CHD2: variants seen among roughly 807,000 people sequenced by gnomAD.
The protein encoded by CHD2 is chromodomain helicase DNA binding protein 2, also known as ATP-dependent chromatin remodeler CHD2.
In CHD2, 28 loss-of-function variants were observed where a neutral mutation model predicts 243.9. The ratio of observed to expected loss-of-function variants is 0.11; its 90% CI spans 0.09 to 0.16. The LOEUF is 0.16. Ranked by LOEUF, CHD2 falls within the 10% of genes least tolerant of loss-of-function variation. The probability of loss-of-function intolerance (pLI) is 1.00; values close to 1 mark genes in which losing one functional copy is unlikely to be tolerated. For missense variants in CHD2, 1,386 were observed against 2,209.8 expected (o/e 0.63, Z 7.47); for synonymous variants, 775 against 779.0 (o/e 0.99, Z 0.09).
intron 19 of CHD2, among the ~76,000 whole-genome samples, chr15:92,972,820 C>T (rs1215366561): frequency 2.1e-4 from 2 of 9,552 alleles, no homozygotes; most frequent in African/African-American, 2.9e-4. Flanking sequence ...CACTGCACTC[C>T]AGCCTGGGCG....
chr15:93,012,779 T>C (rs1451398172), intron 36 of CHD2, among the ~76,000 whole-genome samples: 2 of 152,218 alleles, frequency 1.3e-5, no homozygotes, highest in African/African-American at 4.8e-5. Flanking sequence ...GAAAATACTT[T>C]TTCTCTTCTT....
rs775227667 is a variant in CHD2 at position 92,942,918 on chromosome 15, A to G, written c.902A>G (p.Asp301Gly). ...DPSGDFDTEK[D>G]EGEIQYLIKW... ...AGTGGTGACTTTGACACTGAAAAGG[A>G]TGAAGGTGAAATCCAGTACCTCATC... is the stretch of plus-strand genomic sequence containing the variant. Residue 301 changes from aspartate to glycine, a missense_variant, in exon 9 of 39, where the codon GAT becomes GGT. By Grantham distance (94) the Asp-to-Gly change is moderately conservative (BLOSUM62 -1). Transcript: ENST00000394196. The G allele has an allele frequency of 6.2e-7, 1 of 1,614,118 alleles. No homozygotes were observed. Among genetic ancestry groups the G allele is most frequent in the South Asian group, 1.1e-5 (1 of 91,080 alleles).
At chr15:92,971,177 T>C (rs1053299521) in intron 17 of CHD2, among the ~76,000 whole-genome samples, 1 of 152,210 alleles carries the variant, frequency 6.6e-6, no homozygotes, top group African/African-American at 2.4e-5. Context: ...AGGTTGAGTC[T>C]CTTATCAAAA....
intron 16 of CHD2, among the ~76,000 whole-genome samples, chr15:92,966,763 T>C (rs2053769258): frequency 6.6e-6 from 1 of 151,876 alleles, no homozygotes; most frequent in South Asian, 2.1e-4. Flanking sequence ...ATACAAAAAT[T>C]AGTTGGGTGT....
Position 92,900,645 on chromosome 15 carries a change from C to G in CHD2, c.-251C>G. The G allele has an allele frequency of 5.0e-6, 2 of 396,622 alleles. No homozygotes were observed. The highest frequency in any genetic ancestry group is 4.4e-5 in the Admixed American group (1 of 22,656). The allele number at this position is 396,622 out of a possible 1,614,324, so 24.6% of individuals were successfully genotyped here. A position where few individuals can be genotyped will look rare whatever the true frequency, so the allele number is the denominator to read the frequency against. ...TCTCCTAATGAGGTTTTTTTTCTTT[C>G]GGACCTGTTTTAGTATTAATTATTG... On this transcript the variant is annotated 5_prime_UTR_variant, in exon 1 of 39. Transcript: ENST00000394196.
chr15:93,004,701 C>G lies in CHD2; in HGVS notation c.4363C>G (p.Pro1455Ala), dbSNP rs1184559933. 4 of 1,613,326 alleles carry G rather than the reference C, an allele frequency of 2.5e-6. No individual in the cohort carries two copies. The African/African-American group carries it at 5.3e-5, about 22-fold the overall frequency. ...TATTACAGCAGGAAGTGAACCTGTCCCCATTGGAGAGGATGAGGATGATGA... is the reference window on the plus strand; with the variant it reads ...TATTACAGCAGGAAGTGAACCTGTCGCCATTGGAGAGGATGAGGATGATGA... The part of the protein sequence containing the change: ...VHITAGSEPV[P>A]IGEDEDDDLD... Residue 1455 changes from proline (P) to alanine (A), a missense_variant, in exon 34 of 39, where the codon CCC becomes GCC. Physicochemically the swap from Pro to Ala is conservative, Grantham distance 27. This residue lies in a region of CHD2 where 22 missense variants were observed against 60.2 expected (regional missense o/e 0.37). Transcript: ENST00000394196.
chr15:92,993,097 C>CA lies in CHD2; in HGVS notation c.3595+100dup, dbSNP rs1451957026. On this transcript the variant is annotated intron_variant, in intron 28 of 38. Coordinates refer to ENST00000394196, the MANE Select transcript of CHD2 (RefSeq NM_001271.4). The stretch of plus-strand genomic sequence containing the variant: ...TTTAAGGACAGGCTTGAGGACCACA[C>CA]ATGCCTAGTGATTTCAGGTGTTTAT... 3 of 1,251,234 alleles carry CA rather than the reference C, an allele frequency of 2.4e-6. No individual in the cohort carries two copies. In the African/African-American group the frequency reaches 4.4e-5, roughly 19 times the overall value. The allele number at this position is 1,251,234 out of a possible 1,614,324, so 77.5% of individuals were successfully genotyped here.
At chr15:92,978,124 T>C in intron 20 of CHD2, 110 bp from the exon 21 acceptor site, 1 of 1,240,188 alleles carries the variant, frequency 8.1e-7, no homozygotes, top group Non-Finnish European at 1.2e-6. Flanking sequence ...GTCCATCATA[T>C]CTCACTTTTC....
chr15:93,020,689 C>G, intron 38 of CHD2: 1 of 245,184 alleles, frequency 4.1e-6, no homozygotes, highest in Admixed American at 4.9e-5. Flanking sequence ...TACAATGCCA[C>G]CAGTAGTACG....
chr15:92,905,053 T>A lies in CHD2; in HGVS notation c.62+3754T>A, dbSNP rs773632632. ...TATATATTTAAGATTCACAGTGGGA[T>A]AGTTTAGTAGAAAATAGAAAATTTC... On this transcript the variant is annotated intron_variant, in intron 2 of 38. Transcript: ENST00000394196. 2.0e-6 allele frequency: 3 copies of A among 1,470,200 alleles called. No individual in the cohort carries two copies. The South Asian group carries it at 3.8e-5, about 19-fold the overall frequency. The allele number at this position is 1,470,200 out of a possible 1,614,324, so 91.1% of individuals were successfully genotyped here. A position where few individuals can be genotyped will look rare whatever the true frequency, so the allele number is the denominator to read the frequency against.
At position 92,991,533 on chromosome 15, in the gene CHD2, T is replaced by C; in HGVS notation, c.3455+16T>C. On this transcript the variant is annotated intron_variant, in intron 27 of 38. Coordinates refer to ENST00000394196, the MANE Select transcript of CHD2 (RefSeq NM_001271.4). Reference sequence around the variant, plus strand: ...CTCTTGAACGGTAAGTTCAGTGTAATAGTCCCTTATCTTCCTCTTTTTTGC... The same window carrying C: ...CTCTTGAACGGTAAGTTCAGTGTAACAGTCCCTTATCTTCCTCTTTTTTGC... 6.3e-7 allele frequency: 1 copy of C among 1,584,838 alleles called. No homozygotes were observed. Among genetic ancestry groups the C allele is most frequent in the Non-Finnish European group, 8.6e-7 (1 of 1,163,498 alleles).
intron 17 of CHD2, among the ~76,000 whole-genome samples, chr15:92,969,998 C>A (rs1406009862): frequency 2.0e-5 from 3 of 151,784 alleles, no homozygotes; most frequent in Admixed American, 6.6e-5. Flanking sequence ...GATAGTTTTT[C>A]TTCTGTGTCT....
chr15:92,990,094 A>G (rs952528973), intron 26 of CHD2, among the ~76,000 whole-genome samples: 5 of 152,184 alleles, frequency 3.3e-5, no homozygotes, highest in African/African-American at 4.8e-5. Flanking sequence ...GGACAGGGCT[A>G]TTCACACAGT....
intron 2 of CHD2, among the ~76,000 whole-genome samples, chr15:92,910,477 C>T (rs756550418): frequency 7.2e-5 from 11 of 152,138 alleles, no homozygotes; most frequent in Non-Finnish European, 1.2e-4. Flanking sequence ...ATTGCAACCT[C>T]CGCCTCCCAG....
intron 35 of CHD2, among the ~76,000 whole-genome samples, chr15:93,009,841 A>G (rs746607288): frequency 6.6e-6 from 1 of 152,268 alleles, no homozygotes; most frequent in Non-Finnish European, 1.5e-5. Context: ...TGTTTAAGGC[A>G]TCATGGTTTA....
rs1420088594 is a variant in CHD2, at chr15:92,984,433, A to T, written c.3170A>T (p.Glu1057Val). Residue 1057 changes from glutamate (E) to valine (V), a missense_variant, in exon 25 of 39, where the codon GAG becomes GTG. Physicochemically the swap from Glu to Val is moderately radical, Grantham distance 121. This residue lies in a region of CHD2 where 99 missense variants were observed against 206.4 expected (regional missense o/e 0.48). Coordinates refer to ENST00000394196, the MANE Select transcript of CHD2 (RefSeq NM_001271.4). The stretch of plus-strand genomic sequence containing the variant: ...GAGGAACAAAGGAAAAAAGTAGAGG[A>T]GGAAGAGCGGCAGAAGGAGCTAGAA... Reference protein sequence around the residue: ...IPEEQRKKVEEEERQKELEEI... With the variant: ...IPEEQRKKVEVEERQKELEEI... 6.2e-7 allele frequency: 1 copy of T among 1,612,974 alleles called. No homozygotes were observed. Among genetic ancestry groups the T allele is most frequent in the Non-Finnish European group, 8.5e-7 (1 of 1,179,456 alleles).
chr15:92,910,988 A>G (rs1322065733), intron 2 of CHD2, among the ~76,000 whole-genome samples: 1 of 152,222 alleles, frequency 6.6e-6, no homozygotes, highest in Non-Finnish European at 1.5e-5. Flanking sequence ...TTGTAATACA[A>G]TGGTAAATAT....
intron 28 of CHD2, among the ~76,000 whole-genome samples, chr15:92,993,743 G>A (rs990552952): frequency 3.9e-5 from 6 of 152,172 alleles, no homozygotes; most frequent in African/African-American, 1.4e-4. Context: ...AGGAGTTCAA[G>A]TCCAGTCTGG....
intron 34 of CHD2, among the ~76,000 whole-genome samples, chr15:93,005,599 T>C (rs2054310400): frequency 6.6e-6 from 1 of 152,228 alleles, no homozygotes; most frequent in African/African-American, 2.4e-5. Flanking sequence ...AAGGACCCTG[T>C]TGACCCTGTC....
Sources: allele counts gnomAD v4.1 joint callset (sites outside exome capture counted in the v4.1 genomes callset), GRCh38; gene constraint gnomAD v4.1.1; regional missense constraint gnomAD v4.1.1; transcripts MANE v1.5; gene names NCBI Gene and HGNC (gene_info 2026-07-23, HGNC 2026-07-21).